Variants in KCNN2 observed in about 807,000 individuals in gnomAD.
KCNN2 encodes the protein small conductance calcium-activated potassium channel protein 2.
KCNN2 carries 24 observed loss-of-function variants against 55.5 expected under a neutral mutation model. That is an observed-to-expected ratio of 0.43 (90% CI 0.31 to 0.61). KCNN2 has a LOEUF of 0.61. Ranked by LOEUF, KCNN2 falls within the 20% of genes least tolerant of loss-of-function variation. The probability of loss-of-function intolerance (pLI) is 0.08; values close to 1 mark genes in which losing one functional copy is unlikely to be tolerated. For synonymous variants in KCNN2, 431 were observed against 336.1 expected (o/e 1.28, Z -3.09); for missense variants, 754 against 853.6 (o/e 0.88, Z 1.45).
At chr5:114,457,528 A>C (rs1379663242) in intron 3 of KCNN2, among the ~76,000 whole-genome samples, 3 of 152,192 alleles carry the variant, frequency 2.0e-5, no homozygotes, top group African/African-American at 7.2e-5. Context: ...TAGGCATACT[A>C]TACCTATGTT....
At chr5:114,216,713 G>A (rs944569897) in intron 1 of KCNN2, among the ~76,000 whole-genome samples, 9 of 152,062 alleles carry the variant, frequency 5.9e-5, no homozygotes, top group Non-Finnish European at 4.4e-5. Flanking sequence ...CAGAAACAAA[G>A]CAAGAATGTC....
chr5:114,327,819 TCAAA>T (rs1173877843), intron 2 of KCNN2, among the ~76,000 whole-genome samples: 1 of 152,152 alleles, frequency 6.6e-6, no homozygotes, highest in African/African-American at 2.4e-5. Flanking sequence ...ATTTAGTAAA[TCAAA>T]CAGATATATG....
At position 114,493,430 on chromosome 5, in the gene KCNN2, G is replaced by C; in HGVS notation, c.2046G>C (p.Arg682Ser). Reference sequence around the variant, plus strand: ...TAAGAAGTGTAAAAATGGAGCAGAGGAAACTGAATGACCAAGCAAACACTT... The same window carrying C: ...TAAGAAGTGTAAAAATGGAGCAGAGCAAACTGAATGACCAAGCAAACACTT... ...HQLRSVKMEQ[R>S]KLNDQANTLV... The change falls in exon 7 of 8, where the codon AGG (arginine) becomes AGC (serine). Residue 682 changes from arginine to serine, a missense_variant. Coordinates refer to ENST00000673685, the MANE Select transcript of KCNN2 (RefSeq NM_021614.4). 6.2e-7 allele frequency: 1 copy of C among 1,609,416 alleles called. No individual in the cohort carries two copies. Among genetic ancestry groups the C allele is most frequent in the Middle Eastern group, 1.7e-4 (1 of 6,040 alleles).
In KCNN2 at chr5:114,156,292, G is replaced by C. The variant is rs181600752; in HGVS notation, c.-270-65188G>C. Among the ~76,000 whole-genome samples the C allele has an allele frequency of 1.6e-4, 25 of 152,272 alleles. 1 individual carries two copies. The South Asian group carries it at 5.2e-3, about 32-fold the overall frequency. ...CTGTTTTGGTTACTGTAGCCCTGTA[G>C]TATAGTTTAAAGTCAGGTAGCATGA... On this transcript the variant is annotated intron_variant, in intron 1 of 10. Coordinates refer to the KCNN2 transcript ENST00000512097.
intron 2 of KCNN2, among the ~76,000 whole-genome samples, chr5:114,344,041 T>C (rs1296445062): frequency 1.3e-5 from 2 of 152,208 alleles, no homozygotes. Flanking sequence ...TAACATTGTC[T>C]TCCAGTTTTC....
At chr5:114,345,558 T>A (rs1332027043) in intron 2 of KCNN2, among the ~76,000 whole-genome samples, 1 of 152,116 alleles carries the variant, frequency 6.6e-6, no homozygotes, top group Non-Finnish European at 1.5e-5. Flanking sequence ...GCATTACAGA[T>A]AAGAACAACA....
intron 3 of KCNN2, among the ~76,000 whole-genome samples, chr5:114,436,359 G>A (rs1175242521): frequency 6.6e-6 from 1 of 152,136 alleles, no homozygotes; most frequent in Non-Finnish European, 1.5e-5. Context: ...GGATTTTAGT[G>A]TATAATCAGT....
chr5:114,432,945 G>A (rs1018290351), intron 3 of KCNN2, among the ~76,000 whole-genome samples: 9 of 152,166 alleles, frequency 5.9e-5, no homozygotes, highest in African/African-American at 1.2e-4. Flanking sequence ...CCTGCAGCCC[G>A]CCATGCCTGA....
intron 4 of KCNN2, among the ~76,000 whole-genome samples, chr5:114,472,416 CCTAGTGT>C (rs1405268018): frequency 6.6e-6 from 1 of 152,154 alleles, no homozygotes; most frequent in Non-Finnish European, 1.5e-5. Context: ...CCGTGCCTTT[CCTAGTGT>C]CATGTTAGTA....
chr5:114,436,559 T>A (rs997516724), intron 3 of KCNN2, among the ~76,000 whole-genome samples: 14 of 152,212 alleles, frequency 9.2e-5, no homozygotes, highest in African/African-American at 3.4e-4. Context: ...TATTATGAAA[T>A]TCCACCTAGG....
chr5:114,451,672 G>A (rs960386079), intron 3 of KCNN2, among the ~76,000 whole-genome samples: 4 of 152,004 alleles, frequency 2.6e-5, no homozygotes, highest in African/African-American at 9.7e-5. Flanking sequence ...CAAGGCGGGC[G>A]GATTATGAGG....
chr5:114,068,287 G>T (rs1750491892), intron 1 of KCNN2, among the ~76,000 whole-genome samples: 1 of 152,046 alleles, frequency 6.6e-6, no homozygotes, highest in South Asian at 2.1e-4. Context: ...AAACTCATTT[G>T]CCCTGTTTAG....
chr5:114,071,671 A>G (rs1750571983), intron 1 of KCNN2, among the ~76,000 whole-genome samples: 1 of 152,264 alleles, frequency 6.6e-6, no homozygotes, highest in Non-Finnish European at 1.5e-5. Flanking sequence ...ATGAATGTAT[A>G]CATGGTACTG....
chr5:114,126,871 CAAATGGGAG>C (rs1351509740), intron 1 of KCNN2, among the ~76,000 whole-genome samples: 5 of 152,194 alleles, frequency 3.3e-5, no homozygotes, highest in African/African-American at 1.2e-4. Flanking sequence ...ACACCCATTC[CAAATGGGAG>C]AAATTGGCCA....
intron 2 of KCNN2, among the ~76,000 whole-genome samples, chr5:114,379,000 A>T (rs1168214577): frequency 2.0e-5 from 3 of 152,144 alleles, no homozygotes; most frequent in Non-Finnish European, 4.4e-5. Context: ...TCTAGTGATT[A>T]AAGTTATATT....
intron 2 of KCNN2, among the ~76,000 whole-genome samples, chr5:114,345,015 T>C (rs1308203932): frequency 6.6e-6 from 1 of 152,164 alleles, no homozygotes; most frequent in Non-Finnish European, 1.5e-5. Context: ...AAAATACATA[T>C]GCACAAGGTT....
At chr5:114,379,077 C>T (rs936888117) in intron 2 of KCNN2, among the ~76,000 whole-genome samples, 3 of 152,112 alleles carry the variant, frequency 2.0e-5, no homozygotes, top group Admixed American at 6.6e-5. Context: ...CCCTCAGGGC[C>T]GCAGCTCAGC....
intron 1 of KCNN2, among the ~76,000 whole-genome samples, chr5:114,161,228 T>C (rs1228487767): frequency 6.6e-6 from 1 of 152,168 alleles, no homozygotes; most frequent in Non-Finnish European, 1.5e-5. Flanking sequence ...CATTTGTTTG[T>C]CTGTAAGTAT....
chr5:114,363,322 A>T, intron 1 of KCNN2, 61 bp downstream of exon 1: 2 of 1,475,246 alleles, frequency 1.4e-6, no homozygotes, highest in Non-Finnish European at 1.8e-6. Flanking sequence ...TGGGATGGGC[A>T]CTGGCGGGGA....
Sources: gnomAD v4.1 joint callset for allele counts (sites outside exome capture counted in the v4.1 genomes callset) on GRCh38, gnomAD v4.1.1 for gene constraint, MANE v1.5 for transcripts, NCBI Gene and HGNC (gene_info 2026-07-23, HGNC 2026-07-21) for gene names.